CALCOCO2: variants seen among roughly 807,000 people sequenced by gnomAD.
CALCOCO2 encodes calcium binding and coiled-coil domain 2, also known as calcium-binding and coiled-coil domain-containing protein 2.
A neutral mutation model predicts 62.5 loss-of-function variants in CALCOCO2; 42 were observed. The observed-to-expected ratio is 0.67, with a 90% confidence interval of 0.53 to 0.87. The LOEUF is 0.87. Among genes scored for constraint, CALCOCO2 ranks in the 40% least tolerant of loss-of-function variants. CALCOCO2 has a pLI of 0.00. For synonymous variants in CALCOCO2, 167 were observed against 173.0 expected, an observed-to-expected ratio of 0.97 and a Z score of 0.27; for missense variants, 456 against 515.0, an observed-to-expected ratio of 0.89 and a Z score of 1.11.
At chr17:48,834,938 T>C (rs551709305) in intron 1 of CALCOCO2, among the ~76,000 whole-genome samples, 1 of 152,052 alleles carries the variant, frequency 6.6e-6, no homozygotes, top group South Asian at 2.1e-4. Flanking sequence ...TTCCAGCTAC[T>C]TGGGAGGTTG....
At chr17:48,835,659 T>C (rs150565961) in intron 1 of CALCOCO2, among the ~76,000 whole-genome samples, 1 of 152,320 alleles carries the variant, frequency 6.6e-6, no homozygotes, top group East Asian at 1.9e-4. Flanking sequence ...TCTTTCGTGT[T>C]GTCTATATAT....
chr17:48,848,496 G>A (rs774431864), intron 4 of CALCOCO2, 41 bp downstream of exon 4: 33 of 1,582,302 alleles, frequency 2.1e-5, no homozygotes, highest in African/African-American at 5.4e-5. Flanking sequence ...CTGCCATTAC[G>A]GGTAGCAATA....
intron 10 of CALCOCO2, among the ~76,000 whole-genome samples, chr17:48,857,220 G>C (rs1255710520): frequency 6.8e-6 from 1 of 146,002 alleles, no homozygotes; most frequent in Non-Finnish European, 1.5e-5. Context: ...TTTTTGAGAC[G>C]GAGTTTCACT....
At position 48,863,958 on chromosome 17, in the gene CALCOCO2, C is replaced by T. The variant is rs977978482; in HGVS notation, c.*953C>T. 1 of 151,958 alleles carries T rather than the reference C, an allele frequency of 6.6e-6. No individual in the cohort carries two copies. The highest frequency in any genetic ancestry group is 6.6e-5 in the Admixed American group (1 of 15,242). The allele number at this position is 151,958 out of a possible 1,614,324, so 9.4% of individuals were successfully genotyped here. On this transcript the variant is annotated 3_prime_UTR_variant, in exon 13 of 13. Coordinates refer to ENST00000258947, the MANE Select transcript of CALCOCO2 (RefSeq NM_005831.5). ...GACCCCGCCAATGATTTCTCTTCAC[C>T]TGTCTTAAGATTAAATAAAAAAGAG...
At chr17:48,859,572 G>T (rs1002624168) in intron 10 of CALCOCO2, among the ~76,000 whole-genome samples, 1 of 152,030 alleles carries the variant, frequency 6.6e-6, no homozygotes, top group Non-Finnish European at 1.5e-5. Context: ...CCGCACTCCA[G>T]CCTGGGTGAC....
intron 2 of CALCOCO2, chr17:48,846,057 AC>A: frequency 6.7e-7 from 1 of 1,484,056 alleles, no homozygotes; most frequent in Non-Finnish European, 9.1e-7. Flanking sequence ...AGACTATTCA[AC>A]TCCTCATCAC....
chr17:48,859,196 C>A (rs971318338), intron 10 of CALCOCO2, among the ~76,000 whole-genome samples: 5 of 151,904 alleles, frequency 3.3e-5, no homozygotes, highest in African/African-American at 1.2e-4. Context: ...TACCTCCCTC[C>A]CACCCTGTCT....
intron 11 of CALCOCO2, 39 bp downstream of exon 11, chr17:48,860,488 C>T: frequency 6.3e-7 from 1 of 1,599,202 alleles, no homozygotes; most frequent in East Asian, 2.2e-5. Flanking sequence ...AGGACCCTGC[C>T]TGCATCCCTT....
chr17:48,844,967 C>G (rs2040026385), intron 2 of CALCOCO2, among the ~76,000 whole-genome samples: 1 of 152,128 alleles, frequency 6.6e-6, no homozygotes, highest in Admixed American at 6.5e-5. Flanking sequence ...GAAACCCCAT[C>G]TCTACTAAAA....
chr17:48,834,400 G>T (rs1006178779), intron 1 of CALCOCO2, among the ~76,000 whole-genome samples: 1 of 152,130 alleles, frequency 6.6e-6, no homozygotes, highest in Non-Finnish European at 1.5e-5. Context: ...GCCAAATAAA[G>T]TTGCCTCTGA....
chr17:48,856,660 C>G (rs951207548), intron 10 of CALCOCO2: 9 of 453,500 alleles, frequency 2.0e-5, no homozygotes, highest in African/African-American at 1.6e-4. Flanking sequence ...TTCATTCATT[C>G]ATTCATTCAT....
In CALCOCO2 at chr17:48,845,952, A is replaced by T. The variant is rs145548669; in HGVS notation, c.181-2112A>T. 1.4e-5 allele frequency: 8 copies of T among 581,642 alleles called. No individual in the cohort carries two copies. The East Asian group carries it at 2.7e-4, about 20-fold the overall frequency. The allele number at this position is 581,642 out of a possible 1,614,324, so 36.0% of individuals were successfully genotyped here. A position where few individuals can be genotyped will look rare whatever the true frequency, so the allele number is the denominator to read the frequency against. On this transcript the variant is annotated intron_variant, in intron 2 of 12. Transcript: ENST00000258947. ...TGCTGAATTCCTTTGAGCAACAGAT[A>T]GTAAATTAGAGAATGAAGAGTTGGC...
At chr17:48,841,510 G>T (rs1452074515) in intron 1 of CALCOCO2, 188 bp from the exon 2 acceptor site, 2 of 469,430 alleles carry the variant, frequency 4.3e-6, no homozygotes, top group Non-Finnish European at 7.6e-6. Context: ...AATTCTCGTA[G>T]CATAGGAAGT....
chr17:48,858,053 A>ATAGAG lies in CALCOCO2; in HGVS notation c.1008+1870_1008+1871insGTAGA. On this transcript the variant is annotated intron_variant, in intron 10 of 12. Transcript: ENST00000258947. ...AGAATAGAATAGAATAGAAAATAGA[A>ATAGAG]TAGAATAGAATAGAATAGAATTTTA... 1.4e-5 allele frequency among the ~76,000 whole-genome samples: 2 copies of ATAGAG among 141,410 alleles called. 1 individual carries two copies. Among genetic ancestry groups the ATAGAG allele is most frequent in the Middle Eastern group, 7.1e-3 (2 of 280 alleles). The allele number at this position is 141,410 out of a possible 152,430, so 92.8% of individuals were successfully genotyped here.
rs1457072408 is a variant in CALCOCO2, at chr17:48,851,085, A to G, written c.544-4A>G. On this transcript the variant is annotated splice_polypyrimidine_tract_variant and splice_region_variant and intron_variant, in intron 5 of 12. Transcript: ENST00000258947. ...TGTCCCTTTGATGTTGTTTCAATCT[A>G]TAGGAGGAGCTAGAAACCCTACAGA... The G allele has an allele frequency of 1.9e-6, 3 of 1,544,374 alleles. No individual in the cohort carries two copies. The highest frequency in any genetic ancestry group is 1.7e-5 in the Admixed American group (1 of 59,896).
chr17:48,856,080 T>C lies in CALCOCO2; in HGVS notation c.913-12T>C. On this transcript the variant is annotated splice_polypyrimidine_tract_variant and intron_variant, in intron 9 of 12. Transcript: ENST00000258947. ...ATGTGATCCTAATCCTAATTTTTTT[T>C]ATTGTTGACAGGATGAAAACTTTGA... The C allele has an allele frequency of 6.8e-7, 1 of 1,464,308 alleles. No individual in the cohort carries two copies. The highest frequency in any genetic ancestry group is 9.5e-7 in the Non-Finnish European group (1 of 1,051,662). 90.7% of individuals were successfully genotyped at this position (1,464,308 alleles called of 1,614,324 possible).
Position 48,841,821 on chromosome 17 carries a change from C to T in CALCOCO2, c.114C>T (p.Val38=). ...AGTTCTACATCCCTGGAGGGGACGT[C>T]ACATGTCATTATACCTTCACCCAGC... ...VEKFYIPGGD[V]TCHYTFTQHF... Residue 38 remains valine, a synonymous_variant, in exon 2 of 13, where the codon GTC becomes GTT. Coordinates refer to ENST00000258947, the MANE Select transcript of CALCOCO2 (RefSeq NM_005831.5). 1 of 1,613,682 alleles carries T rather than the reference C, an allele frequency of 6.2e-7. No homozygotes were observed. The highest frequency in any genetic ancestry group is 8.5e-7 in the Non-Finnish European group (1 of 1,179,676).
chr17:48,851,229 C>A, intron 6 of CALCOCO2, 52 bp downstream of exon 6: 2 of 966,068 alleles, frequency 2.1e-6, no homozygotes, highest in Non-Finnish European at 3.4e-6. Flanking sequence ...ACCATCAGTA[C>A]CCTTAAGTAC....
intron 1 of CALCOCO2, among the ~76,000 whole-genome samples, chr17:48,838,775 A>G (rs2039932946): frequency 6.6e-6 from 1 of 152,194 alleles, no homozygotes; most frequent in African/African-American, 2.4e-5. Context: ...ATCTTCCAGC[A>G]TATACCAATA....
Sources: gnomAD v4.1 joint callset for allele counts (sites outside exome capture counted in the v4.1 genomes callset) on GRCh38, gnomAD v4.1.1 for gene constraint, MANE v1.5 for transcripts, NCBI Gene and HGNC (gene_info 2026-07-23, HGNC 2026-07-21) for gene names.